The following EHMT1 variants were observed in gnomAD, a reference collection of about 807,000 sequenced individuals.
EHMT1 encodes the protein histone-lysine N-methyltransferase EHMT1.
A neutral mutation model predicts 147.2 loss-of-function variants in EHMT1; 15 were observed. That is an observed-to-expected ratio of 0.10 (90% confidence interval 0.07 to 0.16). The LOEUF is 0.16. EHMT1 is among the 10% of genes least tolerant of loss of function. The pLI, the probability that EHMT1 is intolerant of heterozygous loss-of-function variation, is 1.00. For missense variants in EHMT1, 1,587 were observed against 1,772.4 expected (o/e 0.90, Z 1.88); for synonymous variants, 795 against 709.6 (o/e 1.12, Z -1.91).
chr9:137,761,703 CGCCTTG>C (rs1949835238), intron 9 of EHMT1, among the ~76,000 whole-genome samples: 1 of 151,974 alleles, frequency 6.6e-6, no homozygotes. Context: ...GTGATCTGCC[CGCCTTG>C]GCCTCCCAAA....
chr9:137,783,809 G>A (rs996686401), intron 15 of EHMT1, among the ~76,000 whole-genome samples: 16 of 152,222 alleles, frequency 1.1e-4, no homozygotes, highest in African/African-American at 1.7e-4. Flanking sequence ...TCTGTCCCCC[G>A]TTTCCGGAGT....
rs772873515 is a variant in EHMT1 at position 137,834,769 on chromosome 9, C to G, written c.3717-4C>G. The G allele has an allele frequency of 6.2e-7, 1 of 1,613,460 alleles. No individual in the cohort carries two copies. Among genetic ancestry groups the G allele is most frequent in the East Asian group, 2.2e-5 (1 of 44,860 alleles). On this transcript the variant is annotated splice_polypyrimidine_tract_variant and splice_region_variant and intron_variant, in intron 26 of 26. Coordinates refer to ENST00000460843, the MANE Select transcript of EHMT1 (RefSeq NM_024757.5). ...TTGGAGCCTTGGTTCTGTTCCCTCC[C>G]CAGGTTTGACTATGGAGAGCGCTTC...
In EHMT1 at chr9:137,691,309, T is replaced by TTATATA. The variant is rs543280328; in HGVS notation, c.22-19647_22-19642dup. 1.7e-3 allele frequency among the ~76,000 whole-genome samples: 258 copies of TTATATA among 147,602 alleles called. 3 individuals carry two copies. Among genetic ancestry groups the TTATATA allele is most frequent in the African/African-American group, 6.0e-3 (240 of 40,030 alleles). On this transcript the variant is annotated intron_variant, in intron 1 of 26. Coordinates refer to ENST00000460843, the MANE Select transcript of EHMT1 (RefSeq NM_024757.5). ...TTAAGGCTGAATAGTATATATGTAA[T>TTATATA]TATATATATATATATAAAATATATT...
intron 6 of EHMT1, among the ~76,000 whole-genome samples, chr9:137,748,183 G>A (rs886468640): frequency 3.9e-5 from 6 of 152,112 alleles, no homozygotes; most frequent in African/African-American, 1.2e-4. Context: ...TATCATTCAT[G>A]GAATTACATG....
chr9:137,684,670 T>A (rs2134650938), intron 1 of EHMT1, among the ~76,000 whole-genome samples: 1 of 152,146 alleles, frequency 6.6e-6, no homozygotes, highest in East Asian at 1.9e-4. Flanking sequence ...TTTTTCAATT[T>A]TTGGTAGAAA....
intron 1 of EHMT1, among the ~76,000 whole-genome samples, chr9:137,628,227 A>T (rs1013615107): frequency 2.0e-5 from 3 of 151,778 alleles, no homozygotes; most frequent in Non-Finnish European, 1.5e-5. Flanking sequence ...TCCTTTATTT[A>T]AGTTTCTCCT....
intron 1 of EHMT1, among the ~76,000 whole-genome samples, chr9:137,671,091 C>G (rs951044194): frequency 1.3e-5 from 2 of 152,186 alleles, no homozygotes; most frequent in African/African-American, 4.8e-5. Flanking sequence ...CCAGGGCCAC[C>G]GTGTGCTTGA....
intron 2 of EHMT1, 66 bp from the exon 3 acceptor site, chr9:137,716,560 G>GGTGGTGGTGTCATGGTGGGGGAGGAA (rs2135497586): frequency 2.3e-6 from 3 of 1,278,044 alleles, no homozygotes; most frequent in Admixed American, 2.5e-5. Flanking sequence ...GGGAGGAAGT[G>GGTGGTGGTGTCATGGTGGGGGAGGAA]GTGGTGGTGG....
intron 3 of EHMT1, among the ~76,000 whole-genome samples, chr9:137,721,783 A>G (rs886875057): frequency 6.6e-6 from 1 of 152,092 alleles, no homozygotes; most frequent in Non-Finnish European, 1.5e-5. Context: ...AGTTCTGTAT[A>G]TGAGTGTTTG....
intron 16 of EHMT1, among the ~76,000 whole-genome samples, chr9:137,798,092 A>C (rs929070240): frequency 1.3e-5 from 2 of 152,210 alleles, no homozygotes; most frequent in Non-Finnish European, 2.9e-5. Flanking sequence ...GGGTGTTCCC[A>C]ATCTGGGCAT....
chr9:137,820,783 A>G (rs1398419258), intron 25 of EHMT1, among the ~76,000 whole-genome samples: 1 of 152,232 alleles, frequency 6.6e-6, no homozygotes, highest in African/African-American at 2.4e-5. Flanking sequence ...TCGTCCTATC[A>G]ATCAGTCTGC....
rs748502967 is a variant in EHMT1 at position 137,816,042 on chromosome 9, C to T, written c.3354C>T (p.Arg1118=). Residue 1118 remains arginine, a synonymous_variant, in exon 23 of 27, where the codon CGC becomes CGT. Coordinates refer to ENST00000460843, the MANE Select transcript of EHMT1 (RefSeq NM_024757.5). ...ACSCWRNCRN[R]VVQNGLRARL... ...CCTGCTGGAGGAACTGCCGAAATCG[C>T]GTCGTACAGAATGGTCTCAGGTGAG... The T allele has an allele frequency of 1.4e-5, 23 of 1,612,606 alleles. No homozygotes were observed. The East Asian group carries it at 1.6e-4, about 11-fold the overall frequency.
At position 137,775,082 on chromosome 9, in the gene EHMT1, T is replaced by C. The variant is rs1222589338; in HGVS notation, c.1648-27T>C. ...ATGCCGGCCTCTCGTGACTCTGACA[T>C]TGACCACCAGTCTTGTCTGATTGCA... On this transcript the variant is annotated intron_variant, in intron 10 of 26. Transcript: ENST00000460843. The surrounding 1 kb of genome is among the most constrained non-coding windows in gnomAD (Gnocchi z 6.1). The C allele has an allele frequency of 5.6e-6, 9 of 1,613,974 alleles. No homozygotes were observed. Among genetic ancestry groups the C allele is most frequent in the Middle Eastern group, 1.7e-4 (1 of 6,056 alleles).
At chr9:137,721,809 C>T (rs1362607575) in intron 3 of EHMT1, among the ~76,000 whole-genome samples, 1 of 152,118 alleles carries the variant, frequency 6.6e-6, no homozygotes, top group Non-Finnish European at 1.5e-5. Flanking sequence ...TATGTGGTTT[C>T]CAGTATTTTC....
chr9:137,702,013 C>T (rs543698610), intron 1 of EHMT1, among the ~76,000 whole-genome samples: 11 of 152,190 alleles, frequency 7.2e-5, no homozygotes, highest in Middle Eastern at 3.4e-3. Flanking sequence ...AGGCTCGTCT[C>T]GAACTTCTGA....
chr9:137,733,353 C>T (rs1010625426), intron 4 of EHMT1, among the ~76,000 whole-genome samples: 17 of 152,158 alleles, frequency 1.1e-4, no homozygotes, highest in Non-Finnish European at 1.9e-4. Context: ...AAACAATCCT[C>T]GCAGTACCAA....
Position 137,823,556 on chromosome 9 carries a change from T to C in EHMT1, c.3540+5418T>C, listed in dbSNP as rs796418445. ...CCTCCCAAGTAGCTGGGACTACAGG[T>C]GCCCGCCACCACGCCCAGCTAATTT... On this transcript the variant is annotated intron_variant, in intron 25 of 26. Coordinates refer to ENST00000460843, the MANE Select transcript of EHMT1 (RefSeq NM_024757.5). 183 of 224,138 alleles carry C rather than the reference T, an allele frequency of 8.2e-4. 1 individual carries two copies. The highest frequency in any genetic ancestry group is 1.2e-3 in the Non-Finnish European group (132 of 110,052). 13.9% of individuals were successfully genotyped at this position (224,138 alleles called of 1,614,324 possible).
chr9:137,800,565 C>T (rs1953387002), intron 17 of EHMT1: 2 of 432,518 alleles, frequency 4.6e-6, no homozygotes, highest in South Asian at 2.3e-5. Context: ...TCGTTGCACG[C>T]AGCTGTGTTG....
chr9:137,655,714 T>A (rs1355158698), intron 1 of EHMT1, among the ~76,000 whole-genome samples: 3 of 152,130 alleles, frequency 2.0e-5, no homozygotes, highest in African/African-American at 7.2e-5. Flanking sequence ...GGGATTAGAC[T>A]CTCATAGGAG....
Sources: gnomAD v4.1 joint callset for allele counts (sites outside exome capture counted in the v4.1 genomes callset) on GRCh38, gnomAD v4.1.1 for gene constraint, Gnocchi (gnomAD v3.1) non-coding constraint, MANE v1.5 for transcripts, NCBI Gene and HGNC (gene_info 2026-07-23, HGNC 2026-07-21) for gene names.